RFC3: variants seen among roughly 807,000 people sequenced by gnomAD.
RFC3 encodes the protein A1 38 kDa subunit.
In RFC3, 41 loss-of-function variants were observed where a neutral mutation model predicts 45.1. The ratio of observed to expected loss-of-function variants is 0.91; its 90% CI spans 0.71 to 1.18. RFC3 has a LOEUF of 1.18. Ranked by LOEUF, RFC3 falls within the 50% of genes most tolerant of loss-of-function variation. RFC3 has a pLI of 0.00. For synonymous variants in RFC3, 149 were observed against 144.0 expected, an observed-to-expected ratio of 1.03 and a Z score of -0.25; for missense variants, 423 against 428.1, an observed-to-expected ratio of 0.99 and a Z score of 0.10.
the RFC3 span, among the ~76,000 whole-genome samples, chr13:33,976,031 G>A: frequency 1.1e-4 from 17 of 152,210 alleles, no homozygotes; most frequent in Admixed American, 5.2e-4. Flanking sequence ...GATGAACTTG[G>A]AGTAATTTGT....
chr13:33,881,827 T>C (rs2082486913), intron 8 of RFC3, among the ~76,000 whole-genome samples: 1 of 152,138 alleles, frequency 6.6e-6, no homozygotes, highest in African/African-American at 2.4e-5. Flanking sequence ...TGTTCTTCTA[T>C]CTACTTAAAT....
intron 8 of RFC3, among the ~76,000 whole-genome samples, chr13:33,920,510 C>G (rs1433894884): frequency 6.7e-6 from 1 of 149,022 alleles, no homozygotes; most frequent in African/African-American, 2.5e-5. Context: ...TTCACTGCAG[C>G]CTGGACCTCC....
At chr13:33,844,381 A>G (rs941793754) in intron 8 of RFC3, among the ~76,000 whole-genome samples, 1 of 152,034 alleles carries the variant, frequency 6.6e-6, no homozygotes, top group African/African-American at 2.4e-5. Context: ...ATTACCTTCC[A>G]GTTTCTGCTG....
At position 33,959,804 on chromosome 13, in the gene RFC3, C is replaced by T. The variant is rs886738023; in HGVS notation, c.880-6283C>T. On this transcript the variant is annotated intron_variant, in intron 8 of 8. Coordinates refer to the RFC3 transcript ENST00000434425. ...ACTGTGTCAGGCCATTCTTGCACTG[C>T]TATAGAGAAATTCCTGAGACTGGGT... Among the ~76,000 whole-genome samples the T allele has an allele frequency of 2.0e-5, 3 of 152,080 alleles. No homozygotes were observed. The East Asian group carries it at 5.8e-4, about 29-fold the overall frequency.
At position 33,884,755 on chromosome 13, in the gene RFC3, G is replaced by A. The variant is rs973029760; in HGVS notation, c.879+49538G>A. On this transcript the variant is annotated intron_variant, in intron 8 of 8. Transcript: ENST00000434425. ...TTCCCCAGGGCTGAAGTATATCTGAGCTTCTTATGGGTTTCCAAAGGCTCA... is the reference window on the plus strand; with the variant it reads ...TTCCCCAGGGCTGAAGTATATCTGAACTTCTTATGGGTTTCCAAAGGCTCA... Among the ~76,000 whole-genome samples, 9 of 152,288 alleles carry A rather than the reference G, an allele frequency of 5.9e-5. No homozygotes were observed. The South Asian group carries it at 6.2e-4, about 11-fold the overall frequency.
chr13:33,879,540 A>T (rs1392254392), intron 8 of RFC3, among the ~76,000 whole-genome samples: 2 of 152,150 alleles, frequency 1.3e-5, no homozygotes, highest in Non-Finnish European at 2.9e-5. Flanking sequence ...AACAAACAAA[A>T]ACTAAAACAA....
At chr13:33,821,870 G>A (rs180823336) in intron 2 of RFC3, among the ~76,000 whole-genome samples, 7 of 152,288 alleles carry the variant, frequency 4.6e-5, no homozygotes, top group African/African-American at 1.7e-4. Context: ...TCTACAACTT[G>A]TAGTTTGTAC....
At chr13:33,963,147 G>A (rs2083067539) in intron 8 of RFC3, among the ~76,000 whole-genome samples, 1 of 142,856 alleles carries the variant, frequency 7.0e-6, no homozygotes. Context: ...TGTATAGTAA[G>A]TATATATTAC....
At chr13:33,840,122 T>A (rs2082186986), downstream of RFC3, among the ~76,000 whole-genome samples, 1 of 152,182 alleles carries the variant, frequency 6.6e-6, no homozygotes, top group African/African-American at 2.4e-5. Flanking sequence ...TTACACTACT[T>A]TGGGTTTGTT....
At chr13:33,840,085 G>A (rs939413882), downstream of RFC3, among the ~76,000 whole-genome samples, 6 of 152,130 alleles carry the variant, frequency 3.9e-5, no homozygotes, top group African/African-American at 7.2e-5. Flanking sequence ...GCGTCTTGGT[G>A]CGATTTGTGT....
At chr13:33,976,199 A>G in the RFC3 span, among the ~76,000 whole-genome samples, 4 of 152,244 alleles carry the variant, frequency 2.6e-5, no homozygotes, top group African/African-American at 9.6e-5. Flanking sequence ...ACTGATATAG[A>G]AAATTATGGA....
intron 8 of RFC3, among the ~76,000 whole-genome samples, chr13:33,918,895 A>G (rs1043453094): frequency 2.0e-5 from 3 of 152,162 alleles, no homozygotes; most frequent in African/African-American, 7.2e-5. Flanking sequence ...GGGCCTCATC[A>G]TGAAATGGTG....
At chr13:33,916,722 A>G (rs2082735832) in intron 8 of RFC3, among the ~76,000 whole-genome samples, 1 of 150,902 alleles carries the variant, frequency 6.6e-6, no homozygotes, top group Admixed American at 6.6e-5. Flanking sequence ...GCATGTTTAT[A>G]TGCATATACA....
At chr13:33,972,658 A>G in the RFC3 span, among the ~76,000 whole-genome samples, 2 of 152,306 alleles carry the variant, frequency 1.3e-5, no homozygotes, top group East Asian at 3.9e-4. Context: ...GATTCATAAT[A>G]AAATTGGTAG....
chr13:33,963,372 A>G (rs897456282), intron 8 of RFC3, among the ~76,000 whole-genome samples: 8 of 152,214 alleles, frequency 5.3e-5, no homozygotes, highest in Admixed American at 6.5e-5. Context: ...GCTCTTGCCT[A>G]CTTAAGCAAA....
At chr13:33,943,995 C>T (rs2082940005) in intron 8 of RFC3, among the ~76,000 whole-genome samples, 1 of 152,062 alleles carries the variant, frequency 6.6e-6, no homozygotes, top group South Asian at 2.1e-4. Flanking sequence ...TGCTTCTAGT[C>T]AGTATTGGTA....
At chr13:33,874,657 C>A (rs186853637) in intron 8 of RFC3, among the ~76,000 whole-genome samples, 4 of 152,286 alleles carry the variant, frequency 2.6e-5, no homozygotes, top group Admixed American at 2.6e-4. Context: ...TCTGCTTTCT[C>A]CTTCCATCTG....
At chr13:33,947,083 T>A (rs1039951202) in intron 8 of RFC3, among the ~76,000 whole-genome samples, 1 of 152,214 alleles carries the variant, frequency 6.6e-6, no homozygotes, top group Admixed American at 6.5e-5. Flanking sequence ...TGGGATACCA[T>A]CAAGCTTATA....
chr13:33,969,091 C>G (rs535804069), downstream of RFC3, among the ~76,000 whole-genome samples: 1 of 152,326 alleles, frequency 6.6e-6, no homozygotes, highest in East Asian at 1.9e-4. Flanking sequence ...CAAATGAGAT[C>G]TGACAAGTAA....
Sources: allele counts gnomAD v4.1 joint callset (sites outside exome capture counted in the v4.1 genomes callset), GRCh38; gene constraint gnomAD v4.1.1; transcripts MANE v1.5; gene names NCBI Gene and HGNC (gene_info 2026-07-23, HGNC 2026-07-21).